CDK18: variants seen among roughly 807,000 people sequenced by gnomAD.
CDK18 encodes the protein cyclin-dependent kinase 18.
A neutral mutation model predicts 62.0 loss-of-function variants in CDK18; 52 were observed. The ratio of observed to expected loss-of-function variants is 0.84; its 90% CI spans 0.67 to 1.06. The LOEUF (loss-of-function observed/expected upper bound fraction) is 1.06, where lower values mean the gene tolerates loss of function less well. Ranked by LOEUF, CDK18 falls within the 50% of genes least tolerant of loss-of-function variation. The pLI, the probability that CDK18 is intolerant of heterozygous loss-of-function variation, is 0.00. For synonymous variants in CDK18, 237 were observed against 247.0 expected, an observed-to-expected ratio of 0.96 and a Z score of 0.38; for missense variants, 604 against 619.9, an observed-to-expected ratio of 0.97 and a Z score of 0.27.
At chr1:205,523,374 C>T (rs773557656) in intron 2 of CDK18, 77 bp downstream of exon 2, 4 of 1,601,826 alleles carry the variant, frequency 2.5e-6, no homozygotes, top group South Asian at 1.1e-5. Flanking sequence ...CCCGCCCACC[C>T]CCTCCCCACT....
chr1:205,529,008 C>A lies in CDK18; in HGVS notation c.984C>A (p.Gly328=). 1 of 1,585,404 alleles carries A rather than the reference C, an allele frequency of 6.3e-7. No individual in the cohort carries two copies. The highest frequency in any genetic ancestry group is 8.6e-7 in the Non-Finnish European group (1 of 1,166,188). The change falls in exon 11 of 16, where the codon GGC becomes GGA. Residue 328 remains glycine, a synonymous_variant. Transcript: ENST00000429964. ...YSTPIDMWGV[G]CIHYEMATGR... ...CCCTTGCTCCTCGCAGGGGCGTGGGCTGCATCCACTACGAGATGGCCACAG... is the reference window on the plus strand; with the variant it reads ...CCCTTGCTCCTCGCAGGGGCGTGGGATGCATCCACTACGAGATGGCCACAG...
At chr1:205,505,098 C>T (rs1365795066) in intron 1 of CDK18, among the ~76,000 whole-genome samples, 1 of 152,112 alleles carries the variant, frequency 6.6e-6, no homozygotes, top group Non-Finnish European at 1.5e-5. Flanking sequence ...CCCCGCGCCC[C>T]CTTAGGGAGT....
intron 12 of CDK18, 40 bp from the exon 13 acceptor site, chr1:205,529,481 C>G (rs772002439): frequency 6.2e-7 from 1 of 1,609,806 alleles, no homozygotes; most frequent in Non-Finnish European, 8.5e-7. Flanking sequence ...TCTCCCATCC[C>G]CAATCAGGCA....
Position 205,507,593 on chromosome 1 carries a change from C to G in CDK18, c.-22+2797C>G, listed in dbSNP as rs1288075146. On this transcript the variant is annotated intron_variant, in intron 1 of 15. Transcript: ENST00000429964. ...AGGTTGTAGTGAGCCGAGATTGCAC[C>G]GCTGTACTCCAGCCTGGGCGACAGA... Among the ~76,000 whole-genome samples, 3 of 141,940 alleles carry G rather than the reference C, an allele frequency of 2.1e-5. No individual in the cohort carries two copies. In the South Asian group the frequency reaches 6.6e-4, roughly 31 times the overall value. The allele number at this position is 141,940 out of a possible 152,430, so 93.1% of individuals were successfully genotyped here. A position where few individuals can be genotyped will look rare whatever the true frequency, so the allele number is the denominator to read the frequency against.
At chr1:205,518,144 A>G (rs965061324) in intron 1 of CDK18, among the ~76,000 whole-genome samples, 1 of 151,898 alleles carries the variant, frequency 6.6e-6, no homozygotes, top group Non-Finnish European at 1.5e-5. Flanking sequence ...GGCCTTCTTG[A>G]CCACCCTACT....
intron 4 of CDK18, among the ~76,000 whole-genome samples, chr1:205,524,852 A>G (rs1251890664): frequency 2.0e-5 from 3 of 152,128 alleles, no homozygotes; most frequent in African/African-American, 7.2e-5. Context: ...AAAAGGCAGC[A>G]CTCACTCTGG....
intron 11 of CDK18, 38 bp downstream of exon 11, chr1:205,529,134 G>A: frequency 6.6e-7 from 1 of 1,521,914 alleles, no homozygotes; most frequent in Middle Eastern, 1.7e-4. Flanking sequence ...CACCACCAGG[G>A]GGCGCCGGAA....
chr1:205,529,954 C>T lies in CDK18; in HGVS notation c.1222-305C>T, dbSNP rs990076699. ...AGGGTTGTTATCGGCACTACGCTTCCTGTTACGGATGTTCTCCATCTGATC... is the reference window on the plus strand; with the variant it reads ...AGGGTTGTTATCGGCACTACGCTTCTTGTTACGGATGTTCTCCATCTGATC... On this transcript the variant is annotated intron_variant, in intron 13 of 15. Coordinates refer to ENST00000429964, the MANE Select transcript of CDK18 (RefSeq NM_212502.3). The T allele has an allele frequency of 5.8e-5, 80 of 1,380,594 alleles. No homozygotes were observed. The East Asian group carries it at 2.1e-3, about 36-fold the overall frequency. 85.5% of individuals were successfully genotyped at this position (1,380,594 alleles called of 1,614,324 possible).
intron 1 of CDK18, among the ~76,000 whole-genome samples, chr1:205,511,861 C>T (rs899005424): frequency 6.6e-6 from 1 of 152,186 alleles, no homozygotes; most frequent in African/African-American, 2.4e-5. Context: ...TGAGACTAGC[C>T]TGGGTAACAT....
Position 205,526,462 on chromosome 1 carries a change from G to T in CDK18, c.666+1G>T, listed in dbSNP as rs775004908. ...CCTCACCCTGGTGTTTGAGTACCTG[G>T]TGAGAGTCCGGCTGGGGCTGGCCGC... On this transcript the variant is annotated splice_donor_variant, in intron 7 of 15. Coordinates refer to ENST00000429964, the MANE Select transcript of CDK18 (RefSeq NM_212502.3). LOFTEE classifies it high-confidence loss of function. 1 of 1,610,980 alleles carries T rather than the reference G, an allele frequency of 6.2e-7. No individual in the cohort carries two copies. The highest frequency in any genetic ancestry group is 1.7e-5 in the Admixed American group (1 of 60,004).
chr1:205,508,690 A>G (rs1667422931), intron 1 of CDK18, among the ~76,000 whole-genome samples: 1 of 152,150 alleles, frequency 6.6e-6, no homozygotes, highest in Non-Finnish European at 1.5e-5. Flanking sequence ...AAAAAAATAC[A>G]AAAATTAGCC....
rs1359037806 is a variant in CDK18, at chr1:205,517,849, G to T, written c.-21-5298G>T. 6.6e-6 allele frequency among the ~76,000 whole-genome samples: 1 copy of T among 151,990 alleles called. No individual in the cohort carries two copies. Among genetic ancestry groups the T allele is most frequent in the Non-Finnish European group, 1.5e-5 (1 of 68,000 alleles). ...TCCCTGCTCTCCCCTTGCTCCCCTT[G>T]TCTGTTCTCAACACAGCAGCGTGTT... On this transcript the variant is annotated intron_variant, in intron 1 of 15. Transcript: ENST00000429964. This position sits in a 1 kb window ranked among gnomAD's most constrained non-coding sequence, Gnocchi z 4.1.
chr1:205,507,495 T>C (rs12758253), intron 1 of CDK18, among the ~76,000 whole-genome samples: 25,479 of 149,282 alleles, frequency 0.17, 2,407 homozygotes, highest in Middle Eastern at 0.26. Flanking sequence ...ACAAAATTAG[T>C]CAGGCGTGGT....
In CDK18 at chr1:205,528,036, G is replaced by T; in HGVS notation, c.854-12G>T. 1 of 1,614,158 alleles carries T rather than the reference G, an allele frequency of 6.2e-7. No individual in the cohort carries two copies. The highest frequency in any genetic ancestry group is 8.5e-7 in the Non-Finnish European group (1 of 1,179,990). ...CCTGTGGACAGAGGTCCAGTGACAT[G>T]TCTGCCCCCAGGACTGGCCAGGGCC... On this transcript the variant is annotated splice_polypyrimidine_tract_variant and intron_variant, in intron 9 of 15. Coordinates refer to ENST00000429964, the MANE Select transcript of CDK18 (RefSeq NM_212502.3). This position sits in a 1 kb window ranked among gnomAD's most constrained non-coding sequence, Gnocchi z 4.2.
rs12035825 is a variant in CDK18 at position 205,530,367 on chromosome 1, G to A, written c.1312+18G>A. 217,556 of 1,607,552 alleles carry A rather than the reference G, an allele frequency of 0.14. 19,295 individuals carry two copies. Among genetic ancestry groups the A allele is most frequent in the South Asian group, 0.33 (30,289 of 91,010 alleles). ...TGAAGACAGTGAGTACTGGGGGTCCGGGAGCAGGGCCACCCAGAACCAAGG... is the reference window on the plus strand; with the variant it reads ...TGAAGACAGTGAGTACTGGGGGTCCAGGAGCAGGGCCACCCAGAACCAAGG... On this transcript the variant is annotated intron_variant, in intron 14 of 15. Transcript: ENST00000429964.
chr1:205,508,142 T>C (rs1667401422), intron 1 of CDK18, among the ~76,000 whole-genome samples: 1 of 152,240 alleles, frequency 6.6e-6, no homozygotes, highest in Admixed American at 6.5e-5. Flanking sequence ...GCCCACCTGA[T>C]TAGCCCACCT....
At chr1:205,507,028 G>A (rs1369531398) in intron 1 of CDK18, among the ~76,000 whole-genome samples, 5 of 152,206 alleles carry the variant, frequency 3.3e-5, no homozygotes, top group East Asian at 1.9e-4. Flanking sequence ...TCCCGCACTC[G>A]GGAATGCGTC....
chr1:205,507,813 C>G (rs1488451656), intron 1 of CDK18, among the ~76,000 whole-genome samples: 1 of 152,092 alleles, frequency 6.6e-6, no homozygotes. Flanking sequence ...CAGGCCAAGC[C>G]CTTAGTTAGA....
chr1:205,504,974 A>C (rs1438884376), intron 1 of CDK18, 178 bp downstream of exon 1: 1 of 152,204 alleles, frequency 6.6e-6, no homozygotes, highest in East Asian at 1.9e-4. Flanking sequence ...AGCAGAGATC[A>C]CGAGGCGTGA....
Sources: gnomAD v4.1 joint callset for allele counts (sites outside exome capture counted in the v4.1 genomes callset) on GRCh38, gnomAD v4.1.1 for gene constraint, Gnocchi (gnomAD v3.1) non-coding constraint, MANE v1.5 for transcripts, NCBI Gene and HGNC (gene_info 2026-07-23, HGNC 2026-07-21) for gene names.